SLC16A4: variants seen among roughly 807,000 people sequenced by gnomAD.
SLC16A4 encodes solute carrier family 16 member 4.
Under a neutral mutation model 47.9 loss-of-function variants are expected in SLC16A4, and 39 were observed. The observed-to-expected ratio is 0.81, with a 90% CI of 0.63 to 1.06. SLC16A4 has a LOEUF of 1.06. SLC16A4 is among the 50% of genes least tolerant of loss of function. The pLI is 0.00. For missense variants in SLC16A4, 524 were observed against 573.8 expected (o/e 0.91, Z 0.89); for synonymous variants, 189 against 199.9 (o/e 0.95, Z 0.46).
At chr1:110,376,581 T>C (rs114779639) in intron 7 of SLC16A4, among the ~76,000 whole-genome samples, 503 of 152,346 alleles carry the variant, frequency 3.3e-3, no homozygotes, top group Non-Finnish European at 6.3e-3. Context: ...AATCCTTTTT[T>C]CTCTTGAAGT....
At chr1:110,375,825 T>TC (rs1661967106) in intron 7 of SLC16A4, among the ~76,000 whole-genome samples, 1 of 152,206 alleles carries the variant, frequency 6.6e-6, no homozygotes, top group African/African-American at 2.4e-5. Flanking sequence ...TACTTTTTCT[T>TC]CCCCAAACCT....
chr1:110,368,098 G>A (rs1232646603), intron 8 of SLC16A4, among the ~76,000 whole-genome samples: 1 of 152,214 alleles, frequency 6.6e-6, no homozygotes, highest in Non-Finnish European at 1.5e-5. Context: ...AAAGTGCTGG[G>A]ATTACAGGCG....
rs1339599721 is a variant in SLC16A4 at position 110,379,103 on chromosome 1, T to A, written c.780A>T (p.Glu260Asp). Residue 260 changes from glutamate (E) to aspartate (D), a missense_variant, in exon 6 of 9, where the codon GAA (glutamate) becomes GAT (aspartate). Transcript: ENST00000369779. ...KNLTVSQNQS[E>D]EFYNGPNRNR... ...TCCTGTTAGGCCCATTGTAGAACTC[T>A]TCACTTTGATTTTGTGAGACTGTTA... 1 of 1,614,230 alleles carries A rather than the reference T, an allele frequency of 6.2e-7. No homozygotes were observed. The highest frequency in any genetic ancestry group is 1.1e-5 in the South Asian group (1 of 91,092).
intron 8 of SLC16A4, among the ~76,000 whole-genome samples, chr1:110,365,567 C>T (rs1661336575): frequency 6.6e-6 from 1 of 152,158 alleles, no homozygotes; most frequent in Non-Finnish European, 1.5e-5. Context: ...GTGAAAACAA[C>T]TGGACAAGTC....
chr1:110,365,838 A>G (rs1030628942), intron 8 of SLC16A4, among the ~76,000 whole-genome samples: 6 of 152,238 alleles, frequency 3.9e-5, no homozygotes, highest in African/African-American at 1.4e-4. Context: ...GGGAAAGACT[A>G]GGAATTCTTG....
rs1661218290 is a variant in SLC16A4, at chr1:110,363,880, A to T, written c.1350T>A (p.Asp450Glu). 6.2e-7 allele frequency: 1 copy of T among 1,610,886 alleles called. No homozygotes were observed. The highest frequency in any genetic ancestry group is 8.5e-7 in the Non-Finnish European group (1 of 1,178,888). ...SGPPIAGWLY[D>E]YTQTYNGSFY... The stretch of plus-strand genomic sequence containing the variant: ...AAGAGCCATTGTATGTCTGGGTATA[A>T]TCATATAACCAGCCTGGAAGGAAGG... The change falls in exon 9 of 9, where the codon GAT becomes GAA. Residue 450 changes from aspartate to glutamate, a missense_variant. Asp to Glu is a conservative substitution (Grantham distance 45). Transcript: ENST00000369779.
intron 8 of SLC16A4, among the ~76,000 whole-genome samples, chr1:110,366,494 C>T (rs149222475): frequency 6.6e-6 from 1 of 152,292 alleles, no homozygotes; most frequent in Non-Finnish European, 1.5e-5. Context: ...TCATGTGGCA[C>T]ATAACAGGAC....
intron 8 of SLC16A4, among the ~76,000 whole-genome samples, chr1:110,369,803 A>G (rs1471674476): frequency 6.6e-6 from 1 of 152,178 alleles, no homozygotes; most frequent in African/African-American, 2.4e-5. Flanking sequence ...GCTATTGGCA[A>G]TCTTGTTCTT....
chr1:110,366,044 C>G (rs1661359941), intron 8 of SLC16A4, among the ~76,000 whole-genome samples: 1 of 151,978 alleles, frequency 6.6e-6, no homozygotes, highest in African/African-American at 2.4e-5. Context: ...CTGCATTGGC[C>G]TCCCAAAGTG....
chr1:110,387,278 G>A (rs1662782241), intron 2 of SLC16A4, among the ~76,000 whole-genome samples: 1 of 152,134 alleles, frequency 6.6e-6, no homozygotes, highest in African/African-American at 2.4e-5. Context: ...AGTCTAGTAA[G>A]ACAGACTGAA....
At chr1:110,377,765 C>T (rs992148529) in intron 6 of SLC16A4, among the ~76,000 whole-genome samples, 2 of 152,148 alleles carry the variant, frequency 1.3e-5, no homozygotes, top group Admixed American at 1.3e-4. Flanking sequence ...ATCAAGCATT[C>T]TGTCTTTAAA....
At chr1:110,386,838 A>C (rs1662760505) in intron 2 of SLC16A4, among the ~76,000 whole-genome samples, 1 of 152,200 alleles carries the variant, frequency 6.6e-6, no homozygotes, top group Admixed American at 6.5e-5. Context: ...ACTCCACTGA[A>C]AACTAAAGTT....
At position 110,363,834 on chromosome 1, in the gene SLC16A4, A is replaced by C. The variant is rs1313271804; in HGVS notation, c.1396T>G (p.Tyr466Asp). The C allele has an allele frequency of 6.2e-6, 10 of 1,612,874 alleles. No individual in the cohort carries two copies. Among genetic ancestry groups the C allele is most frequent in the Non-Finnish European group, 6.8e-6 (8 of 1,179,416 alleles). Residue 466 changes from tyrosine to aspartate, a missense_variant, in exon 9 of 9, where the codon TAT becomes GAT. Coordinates refer to ENST00000369779, the MANE Select transcript of SLC16A4 (RefSeq NM_004696.3). Reference protein sequence around the residue: ...NGSFYFSGICYLLSSVSFFFV... With the variant: ...NGSFYFSGICDLLSSVSFFFV... ...AAAAAGGAAACTGAAGAGAGGAGATAGCATATGCCAGAGAAGTAGAAAGAG... is the reference window on the plus strand; with the variant it reads ...AAAAAGGAAACTGAAGAGAGGAGATCGCATATGCCAGAGAAGTAGAAAGAG...
At chr1:110,382,735 T>A in intron 3 of SLC16A4, 99 bp downstream of exon 3, 1 of 1,237,444 alleles carries the variant, frequency 8.1e-7, no homozygotes, top group South Asian at 2.3e-5. Flanking sequence ...TGAACCTTAA[T>A]TTTAGAAACT....
chr1:110,386,792 G>A (rs551432505), intron 2 of SLC16A4, among the ~76,000 whole-genome samples: 49 of 152,202 alleles, frequency 3.2e-4, no homozygotes, highest in Middle Eastern at 3.4e-3. Context: ...TGTAAAAAAT[G>A]GTCTATTAGG....
intron 8 of SLC16A4, chr1:110,375,189 T>A (rs1025308285): frequency 3.2e-6 from 1 of 308,226 alleles, no homozygotes; most frequent in African/African-American, 2.1e-5. Context: ...AACTCTGGAT[T>A]GTCTCCCCAG....
chr1:110,375,460 G>T lies in SLC16A4; in HGVS notation c.1334C>A (p.Ala445Glu). Residue 445 changes from alanine to glutamate, a missense_variant and splice_region_variant, in exon 8 of 9, where the codon GCA (alanine) becomes GAA (glutamate). Physicochemically the swap from Ala to Glu is moderately radical, Grantham distance 107. Coordinates refer to ENST00000369779, the MANE Select transcript of SLC16A4 (RefSeq NM_004696.3). The part of the protein sequence containing the change: ...GMAVLSGPPI[A>E]GWLYDYTQTY... ...TCAGAATGTGGTGAAGGTGTTACCT[G>T]CTATAGGTGGTCCAGAAAGGACAGC... The T allele has an allele frequency of 6.3e-7, 1 of 1,595,714 alleles. No individual in the cohort carries two copies. The highest frequency in any genetic ancestry group is 8.6e-7 in the Non-Finnish European group (1 of 1,163,124).
intron 8 of SLC16A4, among the ~76,000 whole-genome samples, chr1:110,366,127 CACACACTCTT>C (rs1223614958): frequency 1.4e-5 from 2 of 143,414 alleles, no homozygotes; most frequent in African/African-American, 5.1e-5. Context: ...CACACACACA[CACACACTCTT>C]TCTCTCTCTC....
Position 110,381,790 on chromosome 1 carries a change from G to A in SLC16A4, c.226C>T (p.Leu76=), listed in dbSNP as rs775115805. 5 of 1,611,900 alleles carry A rather than the reference G, an allele frequency of 3.1e-6. No homozygotes were observed. In the African/African-American group the frequency reaches 4.0e-5, roughly 13 times the overall value. ...AGTATGTCACAAATAATAGCAACCA[G>A]GGGACCTTAAGAGAAGAAAGAAAGG... ...MSSLRFCAGP[L]VAIICDILGE... is the part of the protein sequence containing the mutation. Residue 76 remains leucine, a synonymous_variant, in exon 4 of 9, where the codon CTG becomes TTG. Transcript: ENST00000369779.
Sources: gnomAD v4.1 joint callset for allele counts (sites outside exome capture counted in the v4.1 genomes callset) on GRCh38, gnomAD v4.1.1 for gene constraint, MANE v1.5 for transcripts, NCBI Gene and HGNC (gene_info 2026-07-23, HGNC 2026-07-21) for gene names.